ITGA8: variants seen among roughly 807,000 people sequenced by gnomAD.
The protein encoded by ITGA8 is integrin alpha-8.
A neutral mutation model predicts 142.3 loss-of-function variants in ITGA8; 91 were observed. That is an observed-to-expected ratio of 0.64 (90% CI 0.54 to 0.76). The LOEUF is 0.76. Among genes scored for constraint, ITGA8 ranks in the 30% least tolerant of loss-of-function variants. ITGA8 has a pLI of 0.00. For synonymous variants in ITGA8, 505 were observed against 485.2 expected, an observed-to-expected ratio of 1.04 and a Z score of -0.54; for missense variants, 1,406 against 1,327.7, an observed-to-expected ratio of 1.06 and a Z score of -0.92.
Position 15,514,692 on chromosome 10 carries a change from T to A in ITGA8, c.*2466A>T, listed in dbSNP as rs1832931473. 6.6e-6 allele frequency: 1 copy of A among 152,344 alleles called. No individual in the cohort carries two copies. The highest frequency in any genetic ancestry group is 1.5e-5 in the Non-Finnish European group (1 of 68,150). 9.4% of individuals were successfully genotyped at this position (152,344 alleles called of 1,614,324 possible). On this transcript the variant is annotated 3_prime_UTR_variant, in exon 30 of 30. Transcript: ENST00000378076. Reference sequence around the variant, plus strand: ...TGTTGGGATTACAAGTGTGAGTCACTGCACCCAGACTTTGCTTCCATATTC... The same window carrying A: ...TGTTGGGATTACAAGTGTGAGTCACAGCACCCAGACTTTGCTTCCATATTC...
intron 28 of ITGA8, among the ~76,000 whole-genome samples, chr10:15,525,645 CAAAAAAAA>C (rs374326483): frequency 1.6e-5 from 1 of 63,796 alleles, no homozygotes; most frequent in Admixed American, 2.5e-4. Context: ...AACTCCATCT[CAAAAAAAA>C]AAAAAAAAAA....
In ITGA8 at chr10:15,606,367, C is replaced by T. The variant is rs766861388; in HGVS notation, c.1820G>A (p.Ser607Asn). The T allele has an allele frequency of 6.2e-7, 1 of 1,611,556 alleles. No individual in the cohort carries two copies. ...LSPINISLNY[S>N]LDESTFKEGL... The stretch of plus-strand genomic sequence containing the variant: ...TTCTTTAAAGGTGGATTCGTCCAAA[C>T]TGTAATTCAAACTAATGTTGATTGG... Residue 607 changes from serine to asparagine, a missense_variant, in exon 18 of 30, where the codon AGT becomes AAT. Physicochemically the swap from Ser to Asn is conservative, Grantham distance 46. Transcript: ENST00000378076.
At chr10:15,634,116 C>T (rs1833730536) in intron 13 of ITGA8, among the ~76,000 whole-genome samples, 2 of 152,180 alleles carry the variant, frequency 1.3e-5, no homozygotes, top group Non-Finnish European at 2.9e-5. Flanking sequence ...CTACTTATCT[C>T]CCTTAGGAAA....
At chr10:15,672,449 C>T (rs900223600) in intron 7 of ITGA8, among the ~76,000 whole-genome samples, 175 bp downstream of exon 7, 1 of 152,060 alleles carries the variant, frequency 6.6e-6, no homozygotes, top group Non-Finnish European at 1.5e-5. Context: ...TATTACACAT[C>T]GCGGCTGGAA....
In ITGA8 at chr10:15,606,269, A is replaced by G; in HGVS notation, c.1902+16T>C. The stretch of plus-strand genomic sequence containing the variant: ...CTTGCTTGAGAAAATGCCGTCAAAG[A>G]CTGTGAAGGACTTACCTGTTCACTA... On this transcript the variant is annotated intron_variant, in intron 18 of 29. Transcript: ENST00000378076. The G allele has an allele frequency of 6.3e-7, 1 of 1,583,364 alleles. No individual in the cohort carries two copies. Among genetic ancestry groups the G allele is most frequent in the Non-Finnish European group, 8.6e-7 (1 of 1,156,934 alleles).
At chr10:15,610,803 C>T (rs1215986794) in intron 15 of ITGA8, among the ~76,000 whole-genome samples, 2 of 152,218 alleles carry the variant, frequency 1.3e-5, no homozygotes, top group African/African-American at 4.8e-5. Context: ...GCAGGTTTCA[C>T]ACAGTCACTC....
chr10:15,523,228 G>A (rs1833102258), intron 28 of ITGA8, among the ~76,000 whole-genome samples: 1 of 152,192 alleles, frequency 6.6e-6, no homozygotes, highest in African/African-American at 2.4e-5. Flanking sequence ...CTTGGTTATT[G>A]CAGGTTTTGA....
chr10:15,569,208 G>T (rs185492752), intron 25 of ITGA8, among the ~76,000 whole-genome samples: 24 of 152,286 alleles, frequency 1.6e-4, no homozygotes, highest in Admixed American at 1.6e-3. Flanking sequence ...AGAGGAAAAC[G>T]TAGGAAGGAA....
intron 25 of ITGA8, among the ~76,000 whole-genome samples, chr10:15,562,009 C>T (rs117293314): frequency 0.025 from 3,771 of 152,218 alleles, 134 homozygotes; most frequent in East Asian, 0.11. Flanking sequence ...CATCAAATCT[C>T]GTGAGAACTC....
At chr10:15,664,312 A>G (rs1348713586) in intron 8 of ITGA8, among the ~76,000 whole-genome samples, 1 of 152,208 alleles carries the variant, frequency 6.6e-6, no homozygotes, top group Admixed American at 6.5e-5. Context: ...TGAAGAAGAC[A>G]TAATGAGAGG....
chr10:15,583,770 T>G (rs1252282373), intron 23 of ITGA8, among the ~76,000 whole-genome samples: 1 of 152,184 alleles, frequency 6.6e-6, no homozygotes, highest in African/African-American at 2.4e-5. Flanking sequence ...TGTTCTATAT[T>G]GTATGTTCTT....
At chr10:15,535,184 C>T (rs1003024600) in intron 27 of ITGA8, among the ~76,000 whole-genome samples, 6 of 152,116 alleles carry the variant, frequency 3.9e-5, no homozygotes, top group African/African-American at 7.2e-5. Context: ...GGGCAGGGCT[C>T]GGGACCTGCA....
Position 15,604,191 on chromosome 10 carries a change from C to T in ITGA8, c.2118+17G>A. ...AATATACCTAGCTCTTGACTTCAAA[C>T]AATTTGCAGGCATTACCTTGTTGTT... On this transcript the variant is annotated intron_variant, in intron 20 of 29. Transcript: ENST00000378076. 1 of 1,599,600 alleles carries T rather than the reference C, an allele frequency of 6.3e-7. No homozygotes were observed. Among genetic ancestry groups the T allele is most frequent in the Non-Finnish European group, 8.5e-7 (1 of 1,174,848 alleles).
intron 23 of ITGA8, among the ~76,000 whole-genome samples, chr10:15,580,327 A>C (rs557676654): frequency 1.3e-5 from 2 of 152,214 alleles, no homozygotes; most frequent in South Asian, 4.1e-4. Context: ...AGCCCATTTA[A>C]ATAGAAATAG....
chr10:15,646,598 T>G (rs1350084368), intron 12 of ITGA8, among the ~76,000 whole-genome samples: 1 of 152,240 alleles, frequency 6.6e-6, no homozygotes, highest in Admixed American at 6.5e-5. Flanking sequence ...TTCTCTGTGT[T>G]GCATTGTAAT....
chr10:15,558,125 C>T lies in ITGA8; in HGVS notation c.2715G>A (p.Lys905=), dbSNP rs1394902180. ...GGAATTCGACCACATGTACATCCCT[C>T]TTCCTGACAAGATGAGGAATAGTAG... ...RNSTIPHLVR[K]RDVHVVEFHR... is the part of the protein sequence containing the mutation. The change falls in exon 26 of 30, where the codon AAG becomes AAA. Residue 905 remains lysine, a synonymous_variant. Transcript: ENST00000378076. 3 of 1,614,090 alleles carry T rather than the reference C, an allele frequency of 1.9e-6. No homozygotes were observed. The South Asian group carries it at 3.3e-5, about 18-fold the overall frequency.
intron 27 of ITGA8, among the ~76,000 whole-genome samples, chr10:15,537,659 C>A (rs772393652): frequency 5.3e-4 from 80 of 152,188 alleles, no homozygotes; most frequent in Non-Finnish European, 9.4e-4. Context: ...CTTTCCCCTA[C>A]ACTCTAGTGT....
intron 20 of ITGA8, among the ~76,000 whole-genome samples, chr10:15,599,001 C>G (rs1303518660): frequency 6.6e-6 from 1 of 152,056 alleles, no homozygotes; most frequent in Non-Finnish European, 1.5e-5. Context: ...GTCATGAAAA[C>G]AGAAAGAACA....
intron 2 of ITGA8, among the ~76,000 whole-genome samples, chr10:15,694,389 A>ATGTAT: frequency 2.9e-5 from 4 of 137,256 alleles, no homozygotes; most frequent in African/African-American, 1.1e-4. Context: ...ATAATATATC[A>ATGTAT]CATATCAGAT....
Sources: allele counts gnomAD v4.1 joint callset (sites outside exome capture counted in the v4.1 genomes callset), GRCh38; gene constraint gnomAD v4.1.1; transcripts MANE v1.5; gene names NCBI Gene and HGNC (gene_info 2026-07-23, HGNC 2026-07-21).